The following POU1F1 variants were observed in gnomAD, a reference collection of about 807,000 sequenced individuals.
POU1F1 encodes the protein POU class 1 homeobox 1.
A neutral mutation model predicts 32.3 loss-of-function variants in POU1F1; 23 were observed. The observed-to-expected ratio is 0.71, with a 90% CI of 0.51 to 1.01. The LOEUF is 1.01. POU1F1 is among the 50% of genes least tolerant of loss of function. The pLI, the probability that POU1F1 is intolerant of heterozygous loss-of-function variation, is 0.00. For missense variants in POU1F1, 323 were observed against 341.6 expected, an observed-to-expected ratio of 0.95 and a Z score of 0.43; for synonymous variants, 120 against 115.6, an observed-to-expected ratio of 1.04 and a Z score of -0.25.
intron 2 of POU1F1, among the ~76,000 whole-genome samples, chr3:87,268,084 C>CCTTTTTTT (rs747971339): frequency 8.6e-6 from 1 of 116,468 alleles, no homozygotes. Context: ...TTCCCTTTCC[C>CCTTTTTTT]TTTTTTTTTT....
In POU1F1 at chr3:87,262,082, T is replaced by G. The variant is rs1315412427; in HGVS notation, c.593A>C (p.Glu198Ala). ...AILSKWLEEA[E>A]QVGALYNEKV... ...ACACAATTTAGTACCTCCTACTTGC[T>G]CAGCTTCCTCCAGCCATTTGGATAA... Residue 198 changes from glutamate to alanine, a missense_variant, in exon 4 of 6, where the codon GAG becomes GCG. Glu to Ala is a moderately radical substitution (Grantham distance 107). Transcript: ENST00000350375. 13 of 1,614,130 alleles carry G rather than the reference T, an allele frequency of 8.1e-6. No individual in the cohort carries two copies. The South Asian group carries it at 1.3e-4, about 16-fold the overall frequency.
intron 1 of POU1F1, among the ~76,000 whole-genome samples, chr3:87,275,345 G>A (rs996955984): frequency 2.6e-5 from 4 of 151,860 alleles, no homozygotes; most frequent in Non-Finnish European, 4.4e-5. Context: ...CCAAACTTAC[G>A]CATGTATTTA....
intron 2 of POU1F1, among the ~76,000 whole-genome samples, chr3:87,269,535 G>C (rs1212614347): frequency 6.6e-6 from 1 of 151,690 alleles, no homozygotes; most frequent in East Asian, 1.9e-4. Flanking sequence ...CTAAACAAAA[G>C]AAGTAAATTA....
At chr3:87,272,217 A>G (rs1046791036) in intron 2 of POU1F1, among the ~76,000 whole-genome samples, 2 of 151,944 alleles carry the variant, frequency 1.3e-5, no homozygotes, top group African/African-American at 4.8e-5. Context: ...ACACGCACAC[A>G]CACATTTACT....
intron 2 of POU1F1, among the ~76,000 whole-genome samples, chr3:87,271,976 T>G (rs1306569228): frequency 6.6e-6 from 1 of 152,118 alleles, no homozygotes; most frequent in Non-Finnish European, 1.5e-5. Context: ...TAGTCTTACA[T>G]GGACAAATTT....
intron 2 of POU1F1, 66 bp downstream of exon 2, chr3:87,273,281 T>G: frequency 6.8e-7 from 1 of 1,475,250 alleles, no homozygotes; most frequent in Non-Finnish European, 9.4e-7. Flanking sequence ...CACAATTCTT[T>G]CAGGCCCAGA....
chr3:87,273,575 C>T lies in POU1F1; in HGVS notation c.143-157G>A, dbSNP rs192384252. On this transcript the variant is annotated intron_variant, in intron 1 of 5. Coordinates refer to ENST00000350375, the MANE Select transcript of POU1F1 (RefSeq NM_000306.4). ...CACATTTATGTGGTTCTTAAAGTTA[C>T]ATGCCAATATGTTTTTCTCATTTTG... is the stretch of plus-strand genomic sequence containing the variant. 3.7e-6 allele frequency: 5 copies of T among 1,359,694 alleles called. No individual in the cohort carries two copies. In the African/African-American group the frequency reaches 4.4e-5, roughly 12 times the overall value. 84.2% of individuals were successfully genotyped at this position (1,359,694 alleles called of 1,614,324 possible). A position where few individuals can be genotyped will look rare whatever the true frequency, so the allele number is the denominator to read the frequency against.
intron 2 of POU1F1, among the ~76,000 whole-genome samples, chr3:87,272,393 C>A (rs537798317): frequency 1.3e-5 from 2 of 152,232 alleles, no homozygotes; most frequent in Non-Finnish European, 2.9e-5. Context: ...CATGCTGGTG[C>A]GCTGCACCCA....
chr3:87,268,750 G>A (rs929070314), intron 2 of POU1F1, among the ~76,000 whole-genome samples: 8 of 152,180 alleles, frequency 5.3e-5, no homozygotes, highest in Admixed American at 2.6e-4. Context: ...CACACACATA[G>A]CTCAGAAGTG....
chr3:87,268,907 T>C (rs574924030), intron 2 of POU1F1, among the ~76,000 whole-genome samples: 11 of 152,250 alleles, frequency 7.2e-5, no homozygotes, highest in African/African-American at 2.4e-4. Context: ...GGGTCAGAGA[T>C]AGGGATGCCT....
intron 5 of POU1F1, among the ~76,000 whole-genome samples, chr3:87,260,619 C>T (rs1340792160): frequency 1.3e-5 from 2 of 152,120 alleles, no homozygotes; most frequent in Non-Finnish European, 2.9e-5. Flanking sequence ...GAGACCGAAA[C>T]ACTGATTACT....
intron 2 of POU1F1, among the ~76,000 whole-genome samples, chr3:87,272,290 G>T (rs924164367): frequency 6.6e-6 from 1 of 151,824 alleles, no homozygotes; most frequent in South Asian, 2.1e-4. Context: ...AAATATCAAA[G>T]AATTTCTTTT....
Position 87,259,845 on chromosome 3 carries a change from GAGAA to G in POU1F1, c.*45_*48del. 6.7e-7 allele frequency: 1 copy of G among 1,487,800 alleles called. No individual in the cohort carries two copies. Among genetic ancestry groups the G allele is most frequent in the Non-Finnish European group, 9.4e-7 (1 of 1,067,978 alleles). 92.2% of individuals were successfully genotyped at this position (1,487,800 alleles called of 1,614,324 possible). A position where few individuals can be genotyped will look rare whatever the true frequency, so the allele number is the denominator to read the frequency against. On this transcript the variant is annotated 3_prime_UTR_variant, in exon 6 of 6. Coordinates refer to ENST00000350375, the MANE Select transcript of POU1F1 (RefSeq NM_000306.4). ...AGTAATTTCTGTTTTTGTTGAGGAA[GAGAA>G]AGGAATGAAACGGGAGAAAAAGGCT...
At chr3:87,273,849 G>A (rs1191990935) in intron 1 of POU1F1, among the ~76,000 whole-genome samples, 2 of 152,130 alleles carry the variant, frequency 1.3e-5, no homozygotes, top group Non-Finnish European at 2.9e-5. Flanking sequence ...TAAAATTCTT[G>A]TGTTGCATGG....
intron 3 of POU1F1, among the ~76,000 whole-genome samples, chr3:87,262,797 GT>G (rs1296627106): frequency 6.6e-6 from 1 of 152,022 alleles, no homozygotes; most frequent in African/African-American, 2.4e-5. Context: ...CCATTTTATA[GT>G]TTTTGATAAT....
chr3:87,264,121 T>C (rs991122800), intron 3 of POU1F1, among the ~76,000 whole-genome samples, 167 bp downstream of exon 3: 13 of 152,126 alleles, frequency 8.5e-5, no homozygotes, highest in African/African-American at 2.9e-4. Flanking sequence ...TAAGAAATTA[T>C]AAGGAAACAA....
At chr3:87,271,543 A>T (rs1213042167) in intron 2 of POU1F1, among the ~76,000 whole-genome samples, 1 of 152,184 alleles carries the variant, frequency 6.6e-6, no homozygotes, top group Non-Finnish European at 1.5e-5. Context: ...GTTCCTCTAA[A>T]TGAACTGTAA....
intron 5 of POU1F1, 99 bp from the exon 6 acceptor site, chr3:87,260,203 TG>T (rs1706483807): frequency 1.1e-6 from 1 of 920,092 alleles, no homozygotes; most frequent in African/African-American, 1.7e-5. Flanking sequence ...AATATTAACA[TG>T]AAAAGGAAAC....
chr3:87,262,593 T>C (rs1357471927), intron 3 of POU1F1, among the ~76,000 whole-genome samples: 1 of 152,068 alleles, frequency 6.6e-6, no homozygotes, highest in East Asian at 1.9e-4. Context: ...AAATAATATA[T>C]GCTCAAAAAA....
Sources: allele counts gnomAD v4.1 joint callset (sites outside exome capture counted in the v4.1 genomes callset), GRCh38; gene constraint gnomAD v4.1.1; transcripts MANE v1.5; gene names NCBI Gene and HGNC (gene_info 2026-07-23, HGNC 2026-07-21).